Variants in IL1RAPL1 observed in about 807,000 individuals in gnomAD.
IL1RAPL1 encodes the protein interleukin 1 receptor accessory protein like 1, also known as interleukin-1 receptor accessory protein-like 1.
In IL1RAPL1, 3 loss-of-function variants were observed where a neutral mutation model predicts 48.4. That is an observed-to-expected ratio of 0.06 (90% confidence interval 0.03 to 0.16). The LOEUF is 0.16. IL1RAPL1 is among the 10% of genes least tolerant of loss of function. The pLI is 1.00. For missense variants in IL1RAPL1, 349 were observed against 530.6 expected (o/e 0.66, Z 3.36); for synonymous variants, 185 against 187.7 (o/e 0.99, Z 0.12).
chrX:29,802,881 G>GTATACATATGTACACATATATACACA, intron 6 of IL1RAPL1, among the ~76,000 whole-genome samples: 1 of 77,580 alleles, frequency 1.3e-5, no homozygotes, highest in Non-Finnish European at 2.4e-5. Context: ...ATACATATAT[G>GTATACATATGTACACATATATACACA]TATATATGTA....
intron 2 of IL1RAPL1, among the ~76,000 whole-genome samples, chrX:28,789,679 A>T (rs1936513521): frequency 8.9e-6 from 1 of 112,249 alleles, no homozygotes; most frequent in African/African-American, 3.2e-5. Context: ...CCTTGTATTT[A>T]GATTTCATTT....
At chrX:28,615,224 T>G (rs1363526052) in intron 1 of IL1RAPL1, among the ~76,000 whole-genome samples, 1 of 97,797 alleles carries the variant, frequency 1.0e-5, no homozygotes, top group Non-Finnish European at 2.0e-5. Flanking sequence ...TTTTTTTTTT[T>G]TTTTTTTTTT....
chrX:29,766,386 T>C lies in IL1RAPL1; in HGVS notation c.778+97882T>C, dbSNP rs1164284621. Among the ~76,000 whole-genome samples, 24 of 95,791 alleles carry C rather than the reference T, an allele frequency of 2.5e-4. No individual in the cohort carries two copies. In the Admixed American group the frequency reaches 2.8e-3, roughly 11 times the overall value. The allele number at this position is 95,791 out of a possible 115,157, so 83.2% of individuals were successfully genotyped here. ...ATAGATAGATAGATAGATAGATAGA[T>C]ATTTTTATATATATATCCAAATATA... On this transcript the variant is annotated intron_variant, in intron 6 of 10. Transcript: ENST00000378993.
chrX:29,593,610 C>T (rs73219671), intron 5 of IL1RAPL1, among the ~76,000 whole-genome samples: 3,622 of 111,315 alleles, frequency 0.033, 72 homozygotes, highest in Admixed American at 0.057. Context: ...TCCATTTACA[C>T]GTTCATTTCA....
At chrX:29,211,752 G>A (rs1047179477) in intron 2 of IL1RAPL1, among the ~76,000 whole-genome samples, 3 of 111,484 alleles carry the variant, frequency 2.7e-5, no homozygotes, top group Admixed American at 9.6e-5. Context: ...ACTGTACCTC[G>A]TCAAGCAAAA....
intron 1 of IL1RAPL1, among the ~76,000 whole-genome samples, chrX:28,689,236 A>G (rs1346994041): frequency 9.0e-6 from 1 of 110,827 alleles, no homozygotes; most frequent in Admixed American, 9.6e-5. Context: ...AATAATCCCC[A>G]TGGGTCATGG....
intron 8 of IL1RAPL1, among the ~76,000 whole-genome samples, chrX:29,923,749 C>A (rs760371243): frequency 8.9e-6 from 1 of 111,927 alleles, no homozygotes; most frequent in East Asian, 2.8e-4. Flanking sequence ...AAGCTCTGAT[C>A]TGTCCTATTC....
chrX:29,826,221 AT>A (rs1930736059), intron 6 of IL1RAPL1, among the ~76,000 whole-genome samples: 2 of 111,230 alleles, frequency 1.8e-5, no homozygotes, highest in Non-Finnish European at 3.8e-5. Context: ...TGAGGTGGCC[AT>A]TTCTATAAAA....
intron 1 of IL1RAPL1, among the ~76,000 whole-genome samples, chrX:28,687,226 C>G (rs992979569): frequency 9.0e-6 from 1 of 110,803 alleles, no homozygotes; most frequent in Non-Finnish European, 1.9e-5. Context: ...TCCTAATCCC[C>G]CAAGACCATC....
At chrX:29,897,740 C>T (rs898436139) in intron 6 of IL1RAPL1, among the ~76,000 whole-genome samples, 1 of 110,043 alleles carries the variant, frequency 9.1e-6, no homozygotes, top group Admixed American at 9.6e-5. Context: ...TGCTGTACTC[C>T]CAAAGATGAT....
intron 1 of IL1RAPL1, among the ~76,000 whole-genome samples, chrX:28,683,502 C>A (rs182932130): frequency 3.5e-4 from 39 of 111,740 alleles, no homozygotes; most frequent in Non-Finnish European, 6.8e-4. Flanking sequence ...TAGAAAGAGA[C>A]TGGTTTAAAG....
At chrX:28,971,875 A>AG (rs1925080184) in intron 2 of IL1RAPL1, among the ~76,000 whole-genome samples, 11 of 50,343 alleles carry the variant, frequency 2.2e-4, no homozygotes, top group African/African-American at 1.1e-3. Context: ...AACTCTGAAA[A>AG]TTGTGTGTGT....
chrX:29,503,844 A>G (rs1377605056), intron 5 of IL1RAPL1, among the ~76,000 whole-genome samples: 1 of 108,818 alleles, frequency 9.2e-6, no homozygotes, highest in Non-Finnish European at 1.9e-5. Context: ...AGAGACTTAT[A>G]TTTCCCATCT....
chrX:29,603,601 C>T (rs1024072790), intron 5 of IL1RAPL1, among the ~76,000 whole-genome samples: 2 of 111,721 alleles, frequency 1.8e-5, no homozygotes, highest in Non-Finnish European at 3.8e-5. Context: ...CCACCACCTC[C>T]ACTGCTGGAA....
intron 8 of IL1RAPL1, among the ~76,000 whole-genome samples, chrX:29,931,082 C>T (rs905292161): frequency 1.8e-5 from 2 of 111,233 alleles, no homozygotes; most frequent in African/African-American, 6.5e-5. Context: ...TTTACTGCTC[C>T]CTTTGGATGA....
intron 2 of IL1RAPL1, among the ~76,000 whole-genome samples, chrX:29,015,795 A>G (rs1342745575): frequency 1.8e-5 from 2 of 111,719 alleles, no homozygotes; most frequent in African/African-American, 3.2e-5. Context: ...CAAGGTAGTA[A>G]TTGTTACTGT....
intron 5 of IL1RAPL1, among the ~76,000 whole-genome samples, chrX:29,478,785 C>A (rs951413342): frequency 2.7e-5 from 3 of 109,862 alleles, no homozygotes; most frequent in African/African-American, 1.0e-4. Flanking sequence ...CGGGAGTGTT[C>A]TTTCTCTTAG....
At chrX:29,635,017 A>G (rs1449023096) in intron 5 of IL1RAPL1, among the ~76,000 whole-genome samples, 2 of 111,637 alleles carry the variant, frequency 1.8e-5, no homozygotes, top group Non-Finnish European at 3.8e-5. Flanking sequence ...ATAAAATATT[A>G]TGGCATAAAT....
chrX:28,648,946 G>T (rs1934650071), intron 1 of IL1RAPL1, among the ~76,000 whole-genome samples: 1 of 111,605 alleles, frequency 9.0e-6, no homozygotes, highest in Non-Finnish European at 1.9e-5. Context: ...ACAGGTAGAT[G>T]GTTTTGGTGC....
Sources: allele counts gnomAD v4.1 joint callset (sites outside exome capture counted in the v4.1 genomes callset), GRCh38; gene constraint gnomAD v4.1.1; transcripts MANE v1.5; gene names NCBI Gene and HGNC (gene_info 2026-07-23, HGNC 2026-07-21).